SHISA6: variants seen among roughly 807,000 people sequenced by gnomAD.
SHISA6 encodes the protein protein shisa-6.
Under a neutral mutation model 47.9 loss-of-function variants are expected in SHISA6, and 22 were observed. The observed-to-expected ratio is 0.46, with a 90% CI of 0.33 to 0.66. The LOEUF (loss-of-function observed/expected upper bound fraction) is 0.66. Ranked by LOEUF, SHISA6 falls within the 30% of genes least tolerant of loss-of-function variation. The pLI is 0.02. For missense variants in SHISA6, 680 were observed against 764.6 expected (o/e 0.89, Z 1.30); for synonymous variants, 388 against 337.8 (o/e 1.15, Z -1.63).
At chr17:11,360,778 C>T (rs1912243395) in intron 2 of SHISA6, among the ~76,000 whole-genome samples, 1 of 149,140 alleles carries the variant, frequency 6.7e-6, no homozygotes, top group South Asian at 2.1e-4. Flanking sequence ...GCCCATGTAT[C>T]CTAGAACTTA....
intron 2 of SHISA6, among the ~76,000 whole-genome samples, chr17:11,264,144 A>AT (rs1248802833): frequency 5.3e-5 from 8 of 152,338 alleles, no homozygotes; most frequent in Admixed American, 5.2e-4. Flanking sequence ...GCTCAAAGAA[A>AT]TTTAGTAACT....
At chr17:11,328,592 G>A (rs772615473) in intron 2 of SHISA6, among the ~76,000 whole-genome samples, 4 of 152,336 alleles carry the variant, frequency 2.6e-5, no homozygotes, top group Admixed American at 6.5e-5. Flanking sequence ...TAAATTGCGT[G>A]TGTGTGTTGT....
At chr17:11,521,523 C>T (rs2071629135) in intron 3 of SHISA6, among the ~76,000 whole-genome samples, 1 of 152,136 alleles carries the variant, frequency 6.6e-6, no homozygotes, top group Non-Finnish European at 1.5e-5. Flanking sequence ...GTGGTTCACG[C>T]CTGTAATCTC....
chr17:11,554,365 G>A (rs2071956895), intron 4 of SHISA6, among the ~76,000 whole-genome samples: 1 of 152,096 alleles, frequency 6.6e-6, no homozygotes, highest in Admixed American at 6.5e-5. Context: ...GAGCTTCCCT[G>A]GCTCAGTCCC....
intron 2 of SHISA6, among the ~76,000 whole-genome samples, chr17:11,347,572 C>T (rs1041472477): frequency 5.9e-5 from 9 of 152,134 alleles, no homozygotes; most frequent in East Asian, 5.8e-4. Context: ...GATGAGGAAA[C>T]GGTGGCTTAG....
intron 3 of SHISA6, among the ~76,000 whole-genome samples, chr17:11,408,052 C>T (rs993153608): frequency 6.6e-6 from 1 of 152,178 alleles, no homozygotes; most frequent in African/African-American, 2.4e-5. Flanking sequence ...AACACACTGC[C>T]TCTTCCCATC....
intron 1 of SHISA6, among the ~76,000 whole-genome samples, chr17:11,246,807 T>A (rs993049999): frequency 6.6e-6 from 1 of 152,232 alleles, no homozygotes; most frequent in South Asian, 2.1e-4. Flanking sequence ...TATAAGCTTA[T>A]AAGACACATG....
intron 3 of SHISA6, among the ~76,000 whole-genome samples, chr17:11,402,267 C>T (rs1404711081): frequency 6.6e-6 from 1 of 152,176 alleles, no homozygotes; most frequent in Non-Finnish European, 1.5e-5. Flanking sequence ...TTTCTCAGCC[C>T]ACCAACCTGC....
chr17:11,508,025 C>A (rs1260460707), intron 3 of SHISA6, among the ~76,000 whole-genome samples: 1 of 152,198 alleles, frequency 6.6e-6, no homozygotes, highest in East Asian at 1.9e-4. Context: ...GAGGAAACTA[C>A]TTTCAGACAC....
Position 11,558,360 on chromosome 17 carries a change from G to C in SHISA6, c.*56G>C. 1 of 1,492,026 alleles carries C rather than the reference G, an allele frequency of 6.7e-7. No homozygotes were observed. Among genetic ancestry groups the C allele is most frequent in the East Asian group, 2.5e-5 (1 of 40,546 alleles). 92.4% of individuals were successfully genotyped at this position (1,492,026 alleles called of 1,614,324 possible). A position where few individuals can be genotyped will look rare whatever the true frequency, so the allele number is the denominator to read the frequency against. On this transcript the variant is annotated 3_prime_UTR_variant, in exon 6 of 6. Transcript: ENST00000441885. ...TGGCAGAGCAGAGCGGGGGCCGGGAGGGGCCAGGAGCAGAGCTTCTAGCCT... is the reference window on the plus strand; with the variant it reads ...TGGCAGAGCAGAGCGGGGGCCGGGACGGGCCAGGAGCAGAGCTTCTAGCCT...
chr17:11,456,371 C>T (rs981435785), intron 3 of SHISA6, among the ~76,000 whole-genome samples: 3 of 152,200 alleles, frequency 2.0e-5, no homozygotes, highest in Admixed American at 1.3e-4. Flanking sequence ...TCCAGAGGCA[C>T]TCAGTGTGCC....
rs549079422 is a variant in SHISA6, at chr17:11,471,761, G to A, written c.896-80135G>A. On this transcript the variant is annotated intron_variant, in intron 3 of 5. Transcript: ENST00000441885. The stretch of plus-strand genomic sequence containing the variant: ...TGTAGTGAGGGGAGCACCATGCCTG[G>A]CACATATTCTTTCTTAAAAGATATT... 5.3e-5 allele frequency among the ~76,000 whole-genome samples: 8 copies of A among 152,242 alleles called. No individual in the cohort carries two copies. In the South Asian group the frequency reaches 1.7e-3, roughly 32 times the overall value.
chr17:11,341,021 T>C (rs1169393108), intron 2 of SHISA6, among the ~76,000 whole-genome samples: 1 of 152,208 alleles, frequency 6.6e-6, no homozygotes, highest in African/African-American at 2.4e-5. Context: ...TCCTTTCCTG[T>C]TTCTCATGTG....
chr17:11,398,527 T>C (rs1349914275), intron 3 of SHISA6, among the ~76,000 whole-genome samples: 1 of 152,188 alleles, frequency 6.6e-6, no homozygotes, highest in Non-Finnish European at 1.5e-5. Flanking sequence ...ACCAGGACAC[T>C]TTTCCAGTAT....
chr17:11,427,390 C>T (rs999729491), intron 3 of SHISA6, among the ~76,000 whole-genome samples: 2 of 152,168 alleles, frequency 1.3e-5, no homozygotes, highest in Non-Finnish European at 2.9e-5. Context: ...ATCTTGGCCT[C>T]CCAAAGTGCT....
chr17:11,271,486 G>A lies in SHISA6; in HGVS notation c.799+7960G>A, dbSNP rs569637995. ...GAGTTTCACTCTTGTCACCCAGGCT[G>A]GAGTGCAGTGGCGTGATCTCAGCTA... On this transcript the variant is annotated intron_variant, in intron 2 of 5. Coordinates refer to ENST00000441885, the MANE Select transcript of SHISA6 (RefSeq NM_207386.4). Among the ~76,000 whole-genome samples, 46 of 152,192 alleles carry A rather than the reference G, an allele frequency of 3.0e-4. 1 individual carries two copies. The South Asian group carries it at 9.3e-3, about 31-fold the overall frequency.
intron 3 of SHISA6, among the ~76,000 whole-genome samples, chr17:11,499,240 A>G (rs1331348756): frequency 2.0e-5 from 3 of 152,180 alleles, no homozygotes; most frequent in Non-Finnish European, 4.4e-5. Flanking sequence ...TGACACTGAG[A>G]TGACGGGGTG....
intron 2 of SHISA6, among the ~76,000 whole-genome samples, chr17:11,309,964 A>G (rs1476305680): frequency 6.6e-6 from 1 of 152,238 alleles, no homozygotes; most frequent in Non-Finnish European, 1.5e-5. Flanking sequence ...GACATCCAGC[A>G]CTTTTCAGGC....
chr17:11,242,786 C>T (rs1339252038), intron 1 of SHISA6, among the ~76,000 whole-genome samples: 1 of 152,180 alleles, frequency 6.6e-6, no homozygotes, highest in East Asian at 1.9e-4. Flanking sequence ...TGGGAGCTGC[C>T]TCCTACCAAA....
Sources: allele counts gnomAD v4.1 joint callset (sites outside exome capture counted in the v4.1 genomes callset), GRCh38; gene constraint gnomAD v4.1.1; transcripts MANE v1.5; gene names NCBI Gene and HGNC (gene_info 2026-07-23, HGNC 2026-07-21).